SPATA6: variants seen among roughly 807,000 people sequenced by gnomAD.
SPATA6 encodes spermatogenesis-associated protein 6.
Under a neutral mutation model 65.3 loss-of-function variants are expected in SPATA6, and 56 were observed. The observed-to-expected ratio is 0.86, with a 90% CI of 0.69 to 1.07. SPATA6 has a LOEUF of 1.07. Among genes scored for constraint, SPATA6 ranks in the 50% least tolerant of loss-of-function variants. The pLI is 0.00. For synonymous variants in SPATA6, 199 were observed against 213.2 expected (o/e 0.93, Z 0.58); for missense variants, 590 against 594.8 (o/e 0.99, Z 0.08).
intron 7 of SPATA6, among the ~76,000 whole-genome samples, chr1:48,398,277 ATC>A (rs1650794657): frequency 6.6e-6 from 1 of 150,532 alleles, no homozygotes; most frequent in Admixed American, 6.6e-5. Flanking sequence ...TGATAAAACA[ATC>A]TGTTACTTAA....
At chr1:48,404,785 G>T (rs1157047719) in intron 5 of SPATA6, among the ~76,000 whole-genome samples, 1 of 152,184 alleles carries the variant, frequency 6.6e-6, no homozygotes, top group Non-Finnish European at 1.5e-5. Flanking sequence ...AGAAATGAAT[G>T]TGGCTTATAT....
At chr1:48,293,322 G>T (rs78693130), downstream of SPATA6, among the ~76,000 whole-genome samples, 504 of 152,302 alleles carry the variant, frequency 3.3e-3, 2 homozygotes, top group African/African-American at 0.011. Flanking sequence ...GATAAAATGA[G>T]ACTTCTTCAT....
intron 11 of SPATA6, among the ~76,000 whole-genome samples, chr1:48,310,028 G>A (rs1262581814): frequency 1.3e-5 from 2 of 152,194 alleles, no homozygotes; most frequent in African/African-American, 4.8e-5. Context: ...CTACAAATAT[G>A]AGTGGTATTC....
At chr1:48,293,599 G>C (rs1011173313), downstream of SPATA6, among the ~76,000 whole-genome samples, 8 of 152,150 alleles carry the variant, frequency 5.3e-5, no homozygotes, top group African/African-American at 1.7e-4. Flanking sequence ...GGTAATGAGA[G>C]TAATGCTAAG....
the SPATA6 span, among the ~76,000 whole-genome samples, chr1:48,270,556 C>T: frequency 6.6e-6 from 1 of 151,970 alleles, no homozygotes; most frequent in Non-Finnish European, 1.5e-5. Flanking sequence ...GTTTCCTAGT[C>T]TGTAAAACTG....
chr1:48,445,425 A>G (rs1655926416), intron 3 of SPATA6, among the ~76,000 whole-genome samples: 1 of 152,148 alleles, frequency 6.6e-6, no homozygotes, highest in African/African-American at 2.4e-5. Flanking sequence ...GCACTTTGGG[A>G]GGCCAAGGCG....
downstream of SPATA6, among the ~76,000 whole-genome samples, chr1:48,295,020 G>C (rs991172037): frequency 6.6e-6 from 1 of 152,116 alleles, no homozygotes; most frequent in Admixed American, 6.6e-5. Flanking sequence ...TACTTTTAAA[G>C]ATACATTTTT....
At chr1:48,330,164 C>G (rs952507851) in intron 11 of SPATA6, among the ~76,000 whole-genome samples, 19 of 152,190 alleles carry the variant, frequency 1.2e-4, no homozygotes, top group African/African-American at 4.3e-4. Context: ...ATCCTCCCAC[C>G]CCCACCACTG....
the SPATA6 span, among the ~76,000 whole-genome samples, chr1:48,287,551 C>A: frequency 6.6e-6 from 1 of 152,188 alleles, no homozygotes; most frequent in Non-Finnish European, 1.5e-5. Flanking sequence ...TAAGTGAGTT[C>A]TTTCTCAAGT....
chr1:48,282,250 T>A, the SPATA6 span, among the ~76,000 whole-genome samples: 1 of 152,110 alleles, frequency 6.6e-6, no homozygotes, highest in Non-Finnish European at 1.5e-5. Context: ...AACCTAGGCA[T>A]TACCATTCAG....
chr1:48,333,662 T>C (rs1645978249), intron 11 of SPATA6, among the ~76,000 whole-genome samples: 1 of 152,106 alleles, frequency 6.6e-6, no homozygotes, highest in South Asian at 2.1e-4. Flanking sequence ...AAGAGGGAAA[T>C]TTATAGCATT....
chr1:48,412,668 G>C lies in SPATA6; in HGVS notation c.280+442C>G, dbSNP rs1297554124. Reference sequence around the variant, plus strand: ...GAGTCTCGCTCTGTCACCCAGGCTGGAGTGCAATGGCATGATCTTGGCTCA... The same window carrying C: ...GAGTCTCGCTCTGTCACCCAGGCTGCAGTGCAATGGCATGATCTTGGCTCA... On this transcript the variant is annotated intron_variant, in intron 4 of 12. Transcript: ENST00000371847. 2.0e-5 allele frequency among the ~76,000 whole-genome samples: 3 copies of C among 152,164 alleles called. No individual in the cohort carries two copies. In the South Asian group the frequency reaches 6.2e-4, roughly 31 times the overall value.
chr1:48,268,134 A>C, the SPATA6 span, among the ~76,000 whole-genome samples: 23 of 151,916 alleles, frequency 1.5e-4, no homozygotes, highest in Non-Finnish European at 3.2e-4. Flanking sequence ...GGGTGCAAAA[A>C]CAGGAGTGCC....
At chr1:48,290,962 T>C (rs1280467889), downstream of SPATA6, among the ~76,000 whole-genome samples, 4 of 151,914 alleles carry the variant, frequency 2.6e-5, no homozygotes, top group Non-Finnish European at 5.9e-5. Context: ...AACAAGGATA[T>C]CCAGGAATTG....
intron 10 of SPATA6, among the ~76,000 whole-genome samples, chr1:48,358,651 T>C (rs1321651230): frequency 3.9e-5 from 6 of 152,062 alleles, no homozygotes; most frequent in Non-Finnish European, 5.9e-5. Context: ...GCTCTTCCAG[T>C]TTTTCTCCTG....
In SPATA6 at chr1:48,391,890, G is replaced by A. The variant is rs942347370; in HGVS notation, c.868+3377C>T. 9.2e-5 allele frequency among the ~76,000 whole-genome samples: 14 copies of A among 151,902 alleles called. No individual in the cohort carries two copies. In the South Asian group the frequency reaches 2.7e-3, roughly 29 times the overall value. On this transcript the variant is annotated intron_variant, in intron 8 of 12. Coordinates refer to ENST00000371847, the MANE Select transcript of SPATA6 (RefSeq NM_019073.4). ...GAGATGGACATAATCATTTAGAAACGTAGGAAGAAAAAAAAATTAGGTCAA... is the reference window on the plus strand; with the variant it reads ...GAGATGGACATAATCATTTAGAAACATAGGAAGAAAAAAAAATTAGGTCAA...
chr1:48,304,244 G>GTA (rs1337631158), intron 12 of SPATA6, among the ~76,000 whole-genome samples: 1 of 152,128 alleles, frequency 6.6e-6, no homozygotes, highest in Non-Finnish European at 1.5e-5. Context: ...ATTGATTCAA[G>GTA]TATATATATA....
intron 6 of SPATA6, among the ~76,000 whole-genome samples, chr1:48,400,013 T>C (rs1651011915): frequency 6.6e-6 from 1 of 151,970 alleles, no homozygotes; most frequent in Non-Finnish European, 1.5e-5. Flanking sequence ...TGTAATTGGC[T>C]ATATAAGAGA....
At chr1:48,336,308 T>G (rs1390306481) in intron 11 of SPATA6, among the ~76,000 whole-genome samples, 1 of 152,016 alleles carries the variant, frequency 6.6e-6, no homozygotes, top group East Asian at 1.9e-4. Context: ...TAAACTGTTC[T>G]ACAACAAAGA....
Sources: gnomAD v4.1 joint callset for allele counts (sites outside exome capture counted in the v4.1 genomes callset) on GRCh38, gnomAD v4.1.1 for gene constraint, MANE v1.5 for transcripts, NCBI Gene and HGNC (gene_info 2026-07-23, HGNC 2026-07-21) for gene names.